Variants in TAFA5 observed in about 807,000 individuals in gnomAD.
The protein encoded by TAFA5 is chemokine-like protein TAFA-5.
TAFA5 carries 6 observed loss-of-function variants against 15.3 expected under a neutral mutation model. The ratio of observed to expected loss-of-function variants is 0.39; its 90% CI spans 0.21 to 0.77. TAFA5 has a LOEUF of 0.77. TAFA5 is among the 30% of genes least tolerant of loss of function. TAFA5 has a pLI of 0.41. For missense variants in TAFA5, 161 were observed against 193.1 expected (o/e 0.83, Z 0.98); for synonymous variants, 103 against 80.7 (o/e 1.28, Z -1.48).
At chr22:48,650,809 C>CTGAGG (rs761987519) in intron 2 of TAFA5, among the ~76,000 whole-genome samples, 23,915 of 152,180 alleles carry the variant, frequency 0.16, 2,170 homozygotes, top group Admixed American at 0.29. Flanking sequence ...AGCCTCCCCT[C>CTGAGG]CCCCAGGGCT....
intron 3 of TAFA5, among the ~76,000 whole-genome samples, chr22:48,717,669 G>T (rs1246675302): frequency 6.6e-6 from 1 of 152,238 alleles, no homozygotes; most frequent in South Asian, 2.1e-4. Flanking sequence ...TCTCTGTCGG[G>T]CACTGCAGGT....
intron 1 of TAFA5, among the ~76,000 whole-genome samples, chr22:48,620,113 C>T (rs1434398109): frequency 2.0e-5 from 3 of 152,142 alleles, no homozygotes; most frequent in African/African-American, 2.4e-5. Context: ...CTTCTCCCAC[C>T]GTCCCCAGTC....
intron 3 of TAFA5, among the ~76,000 whole-genome samples, chr22:48,726,832 A>G (rs368569873): frequency 6.6e-6 from 1 of 152,188 alleles, no homozygotes; most frequent in Non-Finnish European, 1.5e-5. Flanking sequence ...GGCACTCTTC[A>G]TTCAACCCCG....
At position 48,617,005 on chromosome 22, in the gene TAFA5, G is replaced by A. The variant is rs73889191; in HGVS notation, c.113-29592G>A. ...CGAGAAACAAAACCAGGGCTGGGCT[G>A]GGAGCGTGGATACCTGTGGTCACTC... On this transcript the variant is annotated intron_variant, in intron 1 of 3. Transcript: ENST00000402357. 6.5e-3 allele frequency among the ~76,000 whole-genome samples: 986 copies of A among 152,304 alleles called. 13 individuals carry two copies. Among genetic ancestry groups the A allele is most frequent in the African/African-American group, 0.022 (921 of 41,566 alleles).
intron 1 of TAFA5, among the ~76,000 whole-genome samples, chr22:48,531,180 G>T (rs887526102): frequency 6.6e-6 from 1 of 152,136 alleles, no homozygotes; most frequent in Non-Finnish European, 1.5e-5. Context: ...GTGATGAGCT[G>T]AGCGGCCCCT....
intron 1 of TAFA5, among the ~76,000 whole-genome samples, chr22:48,548,094 T>C (rs542839285): frequency 6.6e-6 from 1 of 152,326 alleles, no homozygotes; most frequent in African/African-American, 2.4e-5. Flanking sequence ...CAGCTGGTGC[T>C]GCAGGTGCAC....
At chr22:48,681,432 CAGG>C (rs980729294) in intron 2 of TAFA5, among the ~76,000 whole-genome samples, 3 of 149,054 alleles carry the variant, frequency 2.0e-5, no homozygotes, top group Middle Eastern at 3.5e-3. Flanking sequence ...TGCCTGAGCT[CAGG>C]AGTTCAGGAC....
At chr22:48,669,100 G>A (rs1927719928) in intron 2 of TAFA5, among the ~76,000 whole-genome samples, 2 of 152,204 alleles carry the variant, frequency 1.3e-5, no homozygotes, top group East Asian at 3.9e-4. Flanking sequence ...ACACAACCAG[G>A]AGGCACCGTC....
intron 1 of TAFA5, among the ~76,000 whole-genome samples, chr22:48,559,995 G>A (rs1012483617): frequency 6.6e-6 from 1 of 152,198 alleles, no homozygotes; most frequent in Non-Finnish European, 1.5e-5. Context: ...CCCCGTGGGT[G>A]TGAGGGTCTG....
At chr22:48,574,652 T>C (rs1923697519) in intron 1 of TAFA5, among the ~76,000 whole-genome samples, 1 of 152,078 alleles carries the variant, frequency 6.6e-6, no homozygotes, top group Admixed American at 6.5e-5. Flanking sequence ...AGGAGAGAGG[T>C]TCAGGGTCCC....
At chr22:48,540,628 G>C (rs1299349301) in intron 1 of TAFA5, among the ~76,000 whole-genome samples, 1 of 142,256 alleles carries the variant, frequency 7.0e-6, no homozygotes, top group East Asian at 2.1e-4. Flanking sequence ...TGCATCTTTT[G>C]TTTTTCATGA....
chr22:48,589,115 A>G (rs1477545880), intron 1 of TAFA5, among the ~76,000 whole-genome samples: 2 of 152,236 alleles, frequency 1.3e-5, no homozygotes, highest in Non-Finnish European at 2.9e-5. Flanking sequence ...ATGCCTGCAC[A>G]GTGACAACTC....
intron 2 of TAFA5, among the ~76,000 whole-genome samples, chr22:48,706,761 A>G (rs1423267883): frequency 6.6e-6 from 1 of 152,234 alleles, no homozygotes; most frequent in Non-Finnish European, 1.5e-5. Context: ...TTATGTGTGC[A>G]TTAGGAAGGA....
At chr22:48,675,201 G>A (rs76928801) in intron 2 of TAFA5, among the ~76,000 whole-genome samples, 5 of 152,166 alleles carry the variant, frequency 3.3e-5, no homozygotes, top group Admixed American at 6.5e-5. Context: ...CTCGGCCTCC[G>A]AAGCTCTGTG....
intron 1 of TAFA5, among the ~76,000 whole-genome samples, chr22:48,517,899 C>T (rs1921469404): frequency 6.6e-6 from 1 of 152,240 alleles, no homozygotes; most frequent in African/African-American, 2.4e-5. Context: ...GTTTTCCAGC[C>T]CAGTGGCGCT....
At chr22:48,696,782 C>T (rs1928725863) in intron 2 of TAFA5, among the ~76,000 whole-genome samples, 1 of 152,240 alleles carries the variant, frequency 6.6e-6, no homozygotes, top group South Asian at 2.1e-4. Flanking sequence ...CCTCTGAGCC[C>T]AAACCCTGTG....
At chr22:48,711,097 C>T (rs577838825) in intron 3 of TAFA5, among the ~76,000 whole-genome samples, 47 of 152,310 alleles carry the variant, frequency 3.1e-4, no homozygotes, top group African/African-American at 1.1e-3. Flanking sequence ...TTAGAGGGCA[C>T]CTGCAGGGAC....
At chr22:48,515,825 G>T (rs1446722702) in intron 1 of TAFA5, among the ~76,000 whole-genome samples, 1 of 152,126 alleles carries the variant, frequency 6.6e-6, no homozygotes, top group Non-Finnish European at 1.5e-5. Context: ...AACTGGCATT[G>T]GCCAGGGGAT....
chr22:48,654,066 G>A (rs923411323), intron 2 of TAFA5, among the ~76,000 whole-genome samples: 1 of 152,068 alleles, frequency 6.6e-6, no homozygotes, highest in East Asian at 1.9e-4. Context: ...CCGTCACGTC[G>A]GCACGGTGGC....
Sources: gnomAD v4.1 joint callset for allele counts (sites outside exome capture counted in the v4.1 genomes callset) on GRCh38, gnomAD v4.1.1 for gene constraint, MANE v1.5 for transcripts, NCBI Gene and HGNC (gene_info 2026-07-23, HGNC 2026-07-21) for gene names.